The following PTPRD variants were observed in gnomAD, a reference collection of about 807,000 sequenced individuals.
PTPRD encodes the protein receptor-type tyrosine-protein phosphatase delta.
In PTPRD, 34 loss-of-function variants were observed where a neutral mutation model predicts 214.5. That is an observed-to-expected ratio of 0.16 (90% CI 0.12 to 0.21). The LOEUF (loss-of-function observed/expected upper bound fraction) is 0.21, where lower values mean the gene tolerates loss of function less well. Ranked by LOEUF, PTPRD falls within the 10% of genes least tolerant of loss-of-function variation. The probability of loss-of-function intolerance (pLI) is 1.00; values close to 1 mark genes in which losing one functional copy is unlikely to be tolerated. For missense variants in PTPRD, 2,545 were observed against 2,398.7 expected (o/e 1.06, Z -1.27); for synonymous variants, 1,128 against 845.7 (o/e 1.33, Z -5.79).
rs76703389 is a variant in PTPRD at position 8,476,384 on chromosome 9, G to C, written c.3414-5299C>G. Among the ~76,000 whole-genome samples the C allele has an allele frequency of 8.1e-3, 1,231 of 152,254 alleles. 15 individuals are homozygous for C. The highest frequency in any genetic ancestry group is 0.028 in the African/African-American group (1,172 of 41,552). On this transcript the variant is annotated intron_variant, in intron 30 of 45. Coordinates refer to ENST00000381196, the MANE Select transcript of PTPRD (RefSeq NM_002839.4). ...GCTCCCTCCCCACTGCTTACCTCCT[G>C]CTGTGTGGTCGGGTTCCTAACAAGG... is the stretch of plus-strand genomic sequence containing the variant.
chr9:10,153,579 G>C (rs1167855297), intron 3 of PTPRD, among the ~76,000 whole-genome samples: 1 of 151,754 alleles, frequency 6.6e-6, no homozygotes, highest in Non-Finnish European at 1.5e-5. Flanking sequence ...TACATGTGCA[G>C]GTTTGTTATA....
chr9:10,179,236 C>CT (rs35736650), intron 3 of PTPRD, among the ~76,000 whole-genome samples: 6,666 of 151,834 alleles, frequency 0.044, 155 homozygotes, highest in African/African-American at 0.06. Flanking sequence ...GCCAGGAATG[C>CT]TTTTTTCAGC....
rs146041308 is a variant in PTPRD at position 8,315,242 on chromosome 9, C to A, written c.*2632G>T. ...AACAGCTCCTGAACAGTAAGATTCCCGCAATAGTCTCCGCCTCGTTCGTCT... is the reference window on the plus strand; with the variant it reads ...AACAGCTCCTGAACAGTAAGATTCCAGCAATAGTCTCCGCCTCGTTCGTCT... On this transcript the variant is annotated 3_prime_UTR_variant, in exon 46 of 46. Transcript: ENST00000381196. The A allele has an allele frequency of 4.3e-6, 1 of 232,552 alleles. No individual in the cohort carries two copies. The highest frequency in any genetic ancestry group is 8.5e-6 in the Non-Finnish European group (1 of 117,414). 14.4% of individuals were successfully genotyped at this position (232,552 alleles called of 1,614,324 possible).
chr9:10,394,502 A>T (rs2098131893), intron 2 of PTPRD, among the ~76,000 whole-genome samples: 2 of 151,790 alleles, frequency 1.3e-5, no homozygotes, highest in Non-Finnish European at 2.9e-5. Flanking sequence ...TTCATCAATA[A>T]TAATAATTGC....
chr9:9,106,759 G>C (rs559618149), intron 10 of PTPRD, among the ~76,000 whole-genome samples: 1 of 151,956 alleles, frequency 6.6e-6, no homozygotes, highest in African/African-American at 2.4e-5. Flanking sequence ...TTCAATACAT[G>C]ATAGTTGTTC....
intron 3 of PTPRD, among the ~76,000 whole-genome samples, chr9:10,264,073 G>A (rs1217557127): frequency 1.3e-5 from 2 of 152,174 alleles, no homozygotes; most frequent in African/African-American, 2.4e-5. Flanking sequence ...GGGAACTTCC[G>A]CCTAGTTTTC....
At chr9:9,503,843 C>G (rs2096498091) in intron 8 of PTPRD, among the ~76,000 whole-genome samples, 1 of 151,668 alleles carries the variant, frequency 6.6e-6, no homozygotes, top group Non-Finnish European at 1.5e-5. Flanking sequence ...AAAACCATAA[C>G]TTTACATAAA....
chr9:9,304,601 A>G (rs1193573884), intron 9 of PTPRD, among the ~76,000 whole-genome samples: 2 of 151,828 alleles, frequency 1.3e-5, no homozygotes, highest in African/African-American at 4.8e-5. Context: ...GTAGCAAACT[A>G]ATTTCTGTTG....
intron 4 of PTPRD, among the ~76,000 whole-genome samples, chr9:9,985,162 A>G (rs1195691773): frequency 6.6e-6 from 1 of 152,212 alleles, no homozygotes; most frequent in Non-Finnish European, 1.5e-5. Context: ...GTGGGTTACA[A>G]CTACGTCTTC....
chr9:9,396,869 A>G (rs2141161147), intron 9 of PTPRD, among the ~76,000 whole-genome samples: 1 of 152,144 alleles, frequency 6.6e-6, no homozygotes, highest in African/African-American at 2.4e-5. Context: ...AGTACTGTGA[A>G]AGCACACAAA....
intron 2 of PTPRD, among the ~76,000 whole-genome samples, chr9:10,534,945 A>G (rs888086276): frequency 3.3e-5 from 5 of 152,170 alleles, no homozygotes; most frequent in African/African-American, 4.8e-5. Context: ...AAATAGCAAC[A>G]TTGCAGCCCA....
chr9:8,945,091 A>G (rs1487047178), intron 11 of PTPRD, among the ~76,000 whole-genome samples: 1 of 152,102 alleles, frequency 6.6e-6, no homozygotes, highest in Admixed American at 6.6e-5. Flanking sequence ...AAAGGGAAAG[A>G]AAACCACAGC....
At chr9:9,303,281 C>T (rs1956089349) in intron 9 of PTPRD, among the ~76,000 whole-genome samples, 1 of 151,870 alleles carries the variant, frequency 6.6e-6, no homozygotes, top group Non-Finnish European at 1.5e-5. Context: ...GTTTGTCATT[C>T]TCAAATATCC....
intron 7 of PTPRD, among the ~76,000 whole-genome samples, chr9:9,582,763 G>T (rs899727200): frequency 3.3e-5 from 5 of 151,968 alleles, no homozygotes; most frequent in South Asian, 2.1e-4. Flanking sequence ...GCTCAAATTT[G>T]TCTGAATTTC....
chr9:10,390,496 T>G (rs2098036833), intron 2 of PTPRD, among the ~76,000 whole-genome samples: 1 of 151,826 alleles, frequency 6.6e-6, no homozygotes, highest in Admixed American at 6.6e-5. Context: ...CCCACGAGTT[T>G]GCAGTAACAG....
intron 11 of PTPRD, among the ~76,000 whole-genome samples, chr9:8,740,933 A>G (rs1339639709): frequency 6.6e-6 from 1 of 152,186 alleles, no homozygotes; most frequent in East Asian, 1.9e-4. Flanking sequence ...AATTCCTATC[A>G]ATATAGACAC....
intron 10 of PTPRD, among the ~76,000 whole-genome samples, chr9:9,138,137 G>T (rs1291801465): frequency 2.0e-5 from 3 of 150,816 alleles, no homozygotes; most frequent in African/African-American, 7.4e-5. Flanking sequence ...CAAAGGCAAA[G>T]AAATCTTTTT....
At chr9:10,212,077 C>T (rs1483086137) in intron 3 of PTPRD, among the ~76,000 whole-genome samples, 2 of 152,034 alleles carry the variant, frequency 1.3e-5, no homozygotes, top group South Asian at 2.1e-4. Flanking sequence ...GTGGAATGAC[C>T]TTTCCAATTC....
intron 4 of PTPRD, among the ~76,000 whole-genome samples, chr9:10,016,925 A>G (rs12348723): frequency 0.18 from 27,115 of 152,128 alleles, 3,157 homozygotes; most frequent in African/African-American, 0.32. Flanking sequence ...TTGGCCTCCC[A>G]AAGTGCTGGG....
Sources: gnomAD v4.1 joint callset for allele counts (sites outside exome capture counted in the v4.1 genomes callset) on GRCh38, gnomAD v4.1.1 for gene constraint, MANE v1.5 for transcripts, NCBI Gene and HGNC (gene_info 2026-07-23, HGNC 2026-07-21) for gene names.